RNF169: variants seen among roughly 807,000 people sequenced by gnomAD.
RNF169 encodes E3 ubiquitin-protein ligase RNF169.
Under a neutral mutation model 53.9 loss-of-function variants are expected in RNF169, and 24 were observed. The ratio of observed to expected loss-of-function variants is 0.45; its 90% CI spans 0.32 to 0.63. RNF169 has a LOEUF of 0.63. RNF169 is among the 20% of genes least tolerant of loss of function. The pLI, the probability that RNF169 is intolerant of heterozygous loss-of-function variation, is 0.04. For synonymous variants in RNF169, 396 were observed against 363.5 expected, an observed-to-expected ratio of 1.09 and a Z score of -1.02; for missense variants, 883 against 906.2, an observed-to-expected ratio of 0.97 and a Z score of 0.33.
rs758760897 is a variant in RNF169, at chr11:74,836,041, G to A, written c.1438G>A (p.Val480Ile). ...HSSKEKPLVA[V>I]NTRLSGGQVL... ...TAGCAAGGAGAAGCCACTTGTGGCTGTAAATACAAGATTATCTGGTGGGCA... is the reference window on the plus strand; with the variant it reads ...TAGCAAGGAGAAGCCACTTGTGGCTATAAATACAAGATTATCTGGTGGGCA... Residue 480 changes from valine (V) to isoleucine (I), a missense_variant, in exon 6 of 6, where the codon GTA becomes ATA. Coordinates refer to ENST00000299563, the MANE Select transcript of RNF169 (RefSeq NM_001098638.2). 9.9e-6 allele frequency: 16 copies of A among 1,614,060 alleles called. No individual in the cohort carries two copies. The South Asian group carries it at 1.3e-4, about 13-fold the overall frequency.
intron 2 of RNF169, among the ~76,000 whole-genome samples, chr11:74,802,333 G>A (rs865832146): frequency 5.9e-5 from 9 of 152,276 alleles, no homozygotes; most frequent in African/African-American, 1.9e-4. Flanking sequence ...ATCTTTGTTG[G>A]AAGGACCTTT....
intron 1 of RNF169, among the ~76,000 whole-genome samples, chr11:74,759,537 CA>C (rs1446681308): frequency 7.1e-6 from 1 of 141,544 alleles, no homozygotes; most frequent in African/African-American, 2.7e-5. Context: ...TGAATTTTGT[CA>C]AAGGCTTTTT....
chr11:74,789,612 T>A lies in RNF169; in HGVS notation c.503-14T>A. ...AGTCATCTTAAAAAGTATTTTCTTTTCCCTTTCTTTCAGACTTTATATTCA... is the reference window on the plus strand; with the variant it reads ...AGTCATCTTAAAAAGTATTTTCTTTACCCTTTCTTTCAGACTTTATATTCA... On this transcript the variant is annotated splice_polypyrimidine_tract_variant and intron_variant, in intron 1 of 5. Transcript: ENST00000299563. 1.9e-6 allele frequency: 3 copies of A among 1,584,294 alleles called. No homozygotes were observed. The highest frequency in any genetic ancestry group is 2.6e-6 in the Non-Finnish European group (3 of 1,155,878).
chr11:74,824,802 C>T (rs542793297), intron 4 of RNF169, among the ~76,000 whole-genome samples: 11 of 152,178 alleles, frequency 7.2e-5, no homozygotes, highest in African/African-American at 2.6e-4. Context: ...TGCAATAAAG[C>T]ACAGGACAAA....
rs913306736 is a variant in RNF169, at chr11:74,837,854, A to C, written c.*1124A>C. ...TTTATTTTCCTTAGCAGCTGACACC[A>C]TGTGTCTTTTGCATCCCTGGTGGTG... On this transcript the variant is annotated 3_prime_UTR_variant, in exon 6 of 6. Coordinates refer to ENST00000299563, the MANE Select transcript of RNF169 (RefSeq NM_001098638.2). 1 of 152,124 alleles carries C rather than the reference A, an allele frequency of 6.6e-6. No individual in the cohort carries two copies. Among genetic ancestry groups the C allele is most frequent in the Non-Finnish European group, 1.5e-5 (1 of 68,008 alleles). The allele number at this position is 152,124 out of a possible 1,614,324, so 9.4% of individuals were successfully genotyped here.
chr11:74,754,975 G>A (rs1386023293), intron 1 of RNF169, among the ~76,000 whole-genome samples: 1 of 152,062 alleles, frequency 6.6e-6, no homozygotes, highest in Non-Finnish European at 1.5e-5. Context: ...AAGTAGTTCT[G>A]GTTTATTACT....
chr11:74,764,932 G>T (rs1351501635), intron 1 of RNF169, among the ~76,000 whole-genome samples: 1 of 152,124 alleles, frequency 6.6e-6, no homozygotes, highest in Admixed American at 6.5e-5. Context: ...TTTACAGGTA[G>T]ACTGGACACG....
At chr11:74,818,663 G>A (rs2035971096) in intron 4 of RNF169, among the ~76,000 whole-genome samples, 1 of 152,134 alleles carries the variant, frequency 6.6e-6, no homozygotes, top group African/African-American at 2.4e-5. Flanking sequence ...CAAAATGCTG[G>A]AATTATAGGT....
intron 2 of RNF169, among the ~76,000 whole-genome samples, chr11:74,796,518 A>G (rs1018189121): frequency 4.6e-5 from 7 of 152,234 alleles, no homozygotes; most frequent in African/African-American, 1.7e-4. Flanking sequence ...AATTAAGCTT[A>G]TTATATACAC....
chr11:74,759,913 G>A (rs1016943329), intron 1 of RNF169, among the ~76,000 whole-genome samples: 55 of 151,594 alleles, frequency 3.6e-4, no homozygotes, highest in African/African-American at 1.3e-3. Flanking sequence ...ACCTCTGGTA[G>A]AATTCGGCTG....
rs144600154 is a variant in RNF169, at chr11:74,827,285, C to T, written c.843-7391C>T. Among the ~76,000 whole-genome samples the T allele has an allele frequency of 9.1e-3, 1,389 of 152,258 alleles. 26 individuals carry two copies. Among genetic ancestry groups the T allele is most frequent in the African/African-American group, 0.031 (1,307 of 41,542 alleles). ...TCTGTACATTGGCCCCTTTTAGCCA[C>T]GGCTGGGGTGTGGGCACCAAGAGAC... is the stretch of plus-strand genomic sequence containing the variant. On this transcript the variant is annotated intron_variant, in intron 4 of 5. Transcript: ENST00000299563.
intron 2 of RNF169, among the ~76,000 whole-genome samples, chr11:74,793,508 G>T (rs553141928): frequency 6.6e-6 from 1 of 151,980 alleles, no homozygotes; most frequent in African/African-American, 2.4e-5. Flanking sequence ...CTTTTAAAAG[G>T]TATTACTTTA....
At position 74,836,155 on chromosome 11, in the gene RNF169, A is replaced by G. The variant is rs1336711431; in HGVS notation, c.1552A>G (p.Asn518Asp). ...SQTKAEQDSD[N>D]KSSTEIPLET... ...AACAAAAGCAGAACAGGACAGTGAT[A>G]ATAAAAGTAGCACTGAGATCCCACT... Residue 518 changes from asparagine to aspartate, a missense_variant, in exon 6 of 6, where the codon AAT becomes GAT. Transcript: ENST00000299563. 3 of 1,614,190 alleles carry G rather than the reference A, an allele frequency of 1.9e-6. No homozygotes were observed. The highest frequency in any genetic ancestry group is 3.3e-5 in the Admixed American group (2 of 60,026).
At chr11:74,815,863 A>G (rs972341269) in intron 3 of RNF169, among the ~76,000 whole-genome samples, 4 of 152,228 alleles carry the variant, frequency 2.6e-5, no homozygotes, top group Non-Finnish European at 4.4e-5. Context: ...AGAGAGGTTT[A>G]TATAGACAGA....
Position 74,836,702 on chromosome 11 carries a change from G to T in RNF169, c.2099G>T (p.Arg700Leu). 1.2e-6 allele frequency: 2 copies of T among 1,611,502 alleles called. No individual in the cohort carries two copies. Residue 700 changes from arginine (R) to leucine (L), a missense_variant, in exon 6 of 6, where the codon CGG (arginine) becomes CTG (leucine). Around this residue, in one of 3 missense-constraint regions of RNF169, gnomAD observed 351 missense variants for 337.3 expected, o/e 1.04. Transcript: ENST00000299563. ...RKGSVDQYLL[R>L]SSNMAGAK ...GGAAGTGTGGATCAGTATCTCCTAC[G>T]GTCCAGCAACATGGCCGGGGCCAAG... is the stretch of plus-strand genomic sequence containing the variant.
chr11:74,828,254 T>C (rs1229313033), intron 4 of RNF169, among the ~76,000 whole-genome samples: 1 of 151,728 alleles, frequency 6.6e-6, no homozygotes, highest in Non-Finnish European at 1.5e-5. Context: ...AAGAATAAAA[T>C]AGGAATATGG....
At chr11:74,767,533 C>T (rs1360334617) in intron 1 of RNF169, among the ~76,000 whole-genome samples, 7 of 151,840 alleles carry the variant, frequency 4.6e-5, no homozygotes, top group Non-Finnish European at 7.4e-5. Flanking sequence ...GGACTACAGG[C>T]ACGGGCCACC....
At chr11:74,772,061 A>G (rs2035268308) in intron 1 of RNF169, among the ~76,000 whole-genome samples, 1 of 152,216 alleles carries the variant, frequency 6.6e-6, no homozygotes. Flanking sequence ...GCATTGTGGA[A>G]AATGCTTTGA....
intron 1 of RNF169, among the ~76,000 whole-genome samples, chr11:74,759,933 C>T (rs1229992948): frequency 1.3e-5 from 2 of 150,926 alleles, no homozygotes; most frequent in Non-Finnish European, 3.0e-5. Context: ...GTGAATCCAT[C>T]TGGTCCTGGA....
Sources: allele counts gnomAD v4.1 joint callset (sites outside exome capture counted in the v4.1 genomes callset), GRCh38; gene constraint gnomAD v4.1.1; regional missense constraint gnomAD v4.1.1; transcripts MANE v1.5; gene names NCBI Gene and HGNC (gene_info 2026-07-23, HGNC 2026-07-21).